Variants in M6PR observed in about 807,000 individuals in gnomAD.
M6PR encodes the protein mannose-6-phosphate receptor, cation dependent.
In M6PR, 19 loss-of-function variants were observed where a neutral mutation model predicts 33.1. The observed-to-expected ratio is 0.57, with a 90% CI of 0.40 to 0.84. The LOEUF (loss-of-function observed/expected upper bound fraction) is 0.84, where lower values mean the gene tolerates loss of function less well. M6PR is among the 40% of genes least tolerant of loss of function. M6PR has a pLI of 0.00. For missense variants in M6PR, 295 were observed against 336.0 expected, an observed-to-expected ratio of 0.88 and a Z score of 0.95; for synonymous variants, 111 against 123.4, an observed-to-expected ratio of 0.90 and a Z score of 0.67.
chr12:8,943,948 G>A (rs1946061988), intron 3 of M6PR, 38 bp from the exon 4 acceptor site: 1 of 1,402,546 alleles, frequency 7.1e-7, no homozygotes, highest in Non-Finnish European at 1.0e-6. Flanking sequence ...ATGGGGTGGG[G>A]GAAAAGCAGA....
At chr12:8,942,676 A>G in intron 5 of M6PR, 134 bp from the exon 6 acceptor site, 3 of 918,094 alleles carry the variant, frequency 3.3e-6, no homozygotes, top group Non-Finnish European at 4.8e-6. Flanking sequence ...AGTGATACTA[A>G]ATGAAAAAGG....
intron 1 of M6PR, chr12:8,946,620 A>G (rs1946098524): frequency 4.5e-6 from 2 of 444,480 alleles, no homozygotes; most frequent in Non-Finnish European, 8.0e-6. Context: ...AGTCTAATGT[A>G]TAGGTGAGTC....
At chr12:8,947,171 T>G (rs1946106065) in intron 1 of M6PR, among the ~76,000 whole-genome samples, 1 of 152,210 alleles carries the variant, frequency 6.6e-6, no homozygotes, top group Non-Finnish European at 1.5e-5. Context: ...CTTTTCTCAC[T>G]TACAAAAAAC....
chr12:8,944,852 C>G (rs1266524156), intron 3 of M6PR, among the ~76,000 whole-genome samples: 1 of 152,148 alleles, frequency 6.6e-6, no homozygotes, highest in African/African-American at 2.4e-5. Flanking sequence ...TAAAAGGACT[C>G]TAGGCTACAG....
intron 6 of M6PR, 184 bp downstream of exon 6, chr12:8,942,232 G>C (rs1946024283): frequency 1.3e-6 from 1 of 767,976 alleles, no homozygotes; most frequent in Non-Finnish European, 2.1e-6. Context: ...ACCAAGGCCA[G>C]AAATGGATGC....
chr12:8,945,384 A>G (rs780730625), intron 3 of M6PR, 34 bp downstream of exon 3: 1 of 1,609,732 alleles, frequency 6.2e-7, no homozygotes, highest in South Asian at 1.1e-5. Flanking sequence ...GGGATCAGTT[A>G]GTCAATCGAT....
chr12:8,941,804 A>C lies in M6PR; in HGVS notation c.*14T>G. The C allele has an allele frequency of 6.2e-7, 1 of 1,614,112 alleles. No homozygotes were observed. The highest frequency in any genetic ancestry group is 8.5e-7 in the Non-Finnish European group (1 of 1,179,986). On this transcript the variant is annotated 3_prime_UTR_variant, in exon 7 of 7. Transcript: ENST00000000412. ...TGGGGGACTGAGGAAGAGGCTGGAC[A>C]TATAAAGTGCAATCTACATTGGTAA... is the stretch of plus-strand genomic sequence containing the variant.
At position 8,941,012 on chromosome 12, in the gene M6PR, CG is replaced by C. The variant is rs1259287781; in HGVS notation, c.*805del. The stretch of plus-strand genomic sequence containing the variant: ...ATGAAAGACATCAGGATCCCACCAC[CG>C]CAAGGTAAAGTGACTTCCCTTTTCT... On this transcript the variant is annotated 3_prime_UTR_variant, in exon 7 of 7. Coordinates refer to ENST00000000412, the MANE Select transcript of M6PR (RefSeq NM_002355.4). The C allele has an allele frequency of 3.6e-5, 4 of 111,508 alleles. No individual in the cohort carries two copies. Among genetic ancestry groups the C allele is most frequent in the African/African-American group, 1.6e-4 (4 of 25,394 alleles). 6.9% of individuals were successfully genotyped at this position (111,508 alleles called of 1,614,324 possible).
At position 8,942,588 on chromosome 12, in the gene M6PR, A is replaced by G. The variant is rs763939306; in HGVS notation, c.585-46T>C. ...CTATACTTAAGAACTGGGAAATAGTAAAAACTCAGATAGGATAACCTCTGC... is the reference window on the plus strand; with the variant it reads ...CTATACTTAAGAACTGGGAAATAGTGAAAACTCAGATAGGATAACCTCTGC... On this transcript the variant is annotated intron_variant, in intron 5 of 6. Coordinates refer to ENST00000000412, the MANE Select transcript of M6PR (RefSeq NM_002355.4). 2.5e-6 allele frequency: 4 copies of G among 1,595,394 alleles called. No individual in the cohort carries two copies. The Admixed American group carries it at 6.8e-5, about 27-fold the overall frequency.
chr12:8,942,261 G>C, intron 6 of M6PR, 155 bp downstream of exon 6: 1 of 986,202 alleles, frequency 1.0e-6, no homozygotes, highest in Admixed American at 2.2e-5. Context: ...TTACTACTCT[G>C]TACTAGGGCA....
intron 5 of M6PR, 142 bp from the exon 6 acceptor site, chr12:8,942,684 AG>A (rs1203180746): frequency 9.3e-6 from 8 of 864,810 alleles, no homozygotes; most frequent in East Asian, 2.7e-5. Context: ...TAAATGAAAA[AG>A]GGGGCTGGTA....
rs1424700619 is a variant in M6PR at position 8,946,363 on chromosome 12, T to C, written c.42A>G (p.Leu14=). ...FYSCWRTGLL[L]LLLAVAVRES... is the part of the protein sequence containing the mutation. ...CTCTCACTGCCACAGCCAGGAGTAG[T>C]AGTAGCAGTCCAGTCCTCCAGCAGC... is the stretch of plus-strand genomic sequence containing the variant. The change falls in exon 2 of 7, where the codon CTA becomes CTG. Residue 14 remains leucine, a synonymous_variant. Coordinates refer to ENST00000000412, the MANE Select transcript of M6PR (RefSeq NM_002355.4). 1.2e-6 allele frequency: 2 copies of C among 1,614,016 alleles called. No homozygotes were observed. The highest frequency in any genetic ancestry group is 1.7e-6 in the Non-Finnish European group (2 of 1,179,996).
intron 1 of M6PR, among the ~76,000 whole-genome samples, chr12:8,947,706 G>C (rs1189473914): frequency 6.6e-6 from 1 of 152,194 alleles, no homozygotes; most frequent in Non-Finnish European, 1.5e-5. Context: ...AGAAAACTGA[G>C]ACACAGCTAG....
chr12:8,945,279 T>C, intron 3 of M6PR, 139 bp downstream of exon 3: 1 of 780,134 alleles, frequency 1.3e-6, no homozygotes. Context: ...CATCCTGTGG[T>C]ATATTACAGT....
intron 1 of M6PR, among the ~76,000 whole-genome samples, chr12:8,947,994 A>T (rs1337418861): frequency 6.6e-6 from 1 of 152,174 alleles, no homozygotes; most frequent in Non-Finnish European, 1.5e-5. Flanking sequence ...ACTAAAAAGA[A>T]ATAGGAGACT....
At position 8,943,815 on chromosome 12, in the gene M6PR, G is replaced by T. The variant is rs758680325; in HGVS notation, c.439C>A (p.Arg147=). 8 of 1,612,392 alleles carry T rather than the reference G, an allele frequency of 5.0e-6. No individual in the cohort carries two copies. The African/African-American group carries it at 1.1e-4, about 22-fold the overall frequency. The change falls in exon 4 of 7, where the codon CGA becomes AGA. Residue 147 remains arginine, a synonymous_variant. Transcript: ENST00000000412. Reference sequence around the variant, plus strand: ...GGGTGCCTCACCGCTAGGGTGTGTCGATTGCAGGAGATCATCACCACTGCA... The same window carrying T: ...GGGTGCCTCACCGCTAGGGTGTGTCTATTGCAGGAGATCATCACCACTGCA... ...RRAVVMISCN[R]HTLADNFNPV...
In M6PR at chr12:8,945,408, G is replaced by A. The variant is rs1317568568; in HGVS notation, c.343+10C>T. On this transcript the variant is annotated intron_variant, in intron 3 of 6. Coordinates refer to ENST00000000412, the MANE Select transcript of M6PR (RefSeq NM_002355.4). ...TAGTCAATCGATGGTAGGAAGGGGA[G>A]TTTTCTTACTTCCGTTGAAGATGTG... 1.1e-5 allele frequency: 18 copies of A among 1,613,688 alleles called. No homozygotes were observed. The highest frequency in any genetic ancestry group is 1.4e-5 in the Non-Finnish European group (16 of 1,179,828).
At chr12:8,943,707 C>A in intron 4 of M6PR, 94 bp downstream of exon 4, 1 of 1,334,284 alleles carries the variant, frequency 7.5e-7, no homozygotes, top group Non-Finnish European at 1.1e-6. Context: ...TAATGTCCAT[C>A]CCAACGTATC....
intron 5 of M6PR, 44 bp downstream of exon 5, chr12:8,943,355 TAAAAAC>T (rs776346513): frequency 9.9e-6 from 16 of 1,610,042 alleles, no homozygotes; most frequent in Middle Eastern, 1.7e-4. Context: ...TTACTGACCT[TAAAAAC>T]AAAAGGAAGG....
Sources: gnomAD v4.1 joint callset for allele counts (sites outside exome capture counted in the v4.1 genomes callset) on GRCh38, gnomAD v4.1.1 for gene constraint, MANE v1.5 for transcripts, NCBI Gene and HGNC (gene_info 2026-07-23, HGNC 2026-07-21) for gene names.